The following FUT8 variants were observed in gnomAD, a reference collection of about 807,000 sequenced individuals.
The protein encoded by FUT8 is fucosyltransferase 8.
A neutral mutation model predicts 71.3 loss-of-function variants in FUT8; 29 were observed. The observed-to-expected ratio is 0.41, with a 90% CI of 0.30 to 0.55. The LOEUF (loss-of-function observed/expected upper bound fraction) is 0.55, where lower values mean the gene tolerates loss of function less well. Among genes scored for constraint, FUT8 ranks in the 20% least tolerant of loss-of-function variants. The pLI, the probability that FUT8 is intolerant of heterozygous loss-of-function variation, is 0.34. For synonymous variants in FUT8, 254 were observed against 239.3 expected (o/e 1.06, Z -0.57); for missense variants, 544 against 702.1 (o/e 0.77, Z 2.55).
intron 3 of FUT8, among the ~76,000 whole-genome samples, chr14:65,597,601 C>T (rs548135937): frequency 3.4e-5 from 5 of 146,666 alleles, no homozygotes; most frequent in East Asian, 4.1e-4. Flanking sequence ...CCAGCCTGGG[C>T]GATAGAGCGA....
At chr14:65,561,271 G>A in intron 2 of FUT8, 66 bp from the exon 3 acceptor site, 1 of 284,166 alleles carries the variant, frequency 3.5e-6, no homozygotes, top group Non-Finnish European at 6.7e-6. Context: ...TTTCCTCCAA[G>A]AATCTCAGTA....
chr14:65,670,443 A>T (rs936306936), intron 7 of FUT8, among the ~76,000 whole-genome samples: 4 of 152,176 alleles, frequency 2.6e-5, no homozygotes, highest in African/African-American at 9.6e-5. Context: ...TTTAGCTATT[A>T]TGAATAGCCT....
intron 2 of FUT8, among the ~76,000 whole-genome samples, chr14:65,530,813 T>TTCTCTC (rs137867790): frequency 7.0e-6 from 1 of 142,472 alleles, no homozygotes; most frequent in South Asian, 2.3e-4. Context: ...CTCTCGCTCT[T>TTCTCTC]TCTCTCTCTC....
chr14:65,571,509 G>A (rs1033600175), intron 3 of FUT8, among the ~76,000 whole-genome samples: 1 of 152,102 alleles, frequency 6.6e-6, no homozygotes, highest in South Asian at 2.1e-4. Context: ...GGGCCTGCAA[G>A]AATCTCACGT....
intron 2 of FUT8, among the ~76,000 whole-genome samples, chr14:65,557,694 C>G (rs1409524204): frequency 6.6e-6 from 1 of 151,112 alleles, no homozygotes; most frequent in Non-Finnish European, 1.5e-5. Context: ...AGAAAGAATC[C>G]TGGCACATTT....
intron 9 of FUT8, among the ~76,000 whole-genome samples, chr14:65,730,584 A>G (rs1383435942): frequency 6.6e-6 from 1 of 152,046 alleles, no homozygotes; most frequent in Admixed American, 6.6e-5. Context: ...GAGGCAGGAG[A>G]TGATGTGAAC....
intron 2 of FUT8, among the ~76,000 whole-genome samples, chr14:65,532,781 G>A (rs1394843731): frequency 6.6e-6 from 1 of 152,040 alleles, no homozygotes; most frequent in East Asian, 1.9e-4. Context: ...TGGGTTTTAA[G>A]TCTTTAATCC....
At chr14:65,450,240 G>C (rs933192801) in intron 1 of FUT8, among the ~76,000 whole-genome samples, 4 of 152,032 alleles carry the variant, frequency 2.6e-5, no homozygotes, top group Non-Finnish European at 5.9e-5. Context: ...GACTGACTCT[G>C]TTCAATATTA....
At chr14:65,397,631 C>T in the FUT8 span, among the ~76,000 whole-genome samples, 1 of 152,206 alleles carries the variant, frequency 6.6e-6, no homozygotes, top group Non-Finnish European at 1.5e-5. This position sits in a 1 kb window ranked among gnomAD's most constrained non-coding sequence, Gnocchi z 4.2. Context: ...CACGTGCACG[C>T]CTGCCCTGTG....
At chr14:65,383,473 C>A in the FUT8 span, among the ~76,000 whole-genome samples, 1 of 152,064 alleles carries the variant, frequency 6.6e-6, no homozygotes, top group Non-Finnish European at 1.5e-5. Context: ...CGGGGTTTCA[C>A]CATGTTGGCC....
rs550883876 is a variant in FUT8, at chr14:65,476,086, C to T, written c.-228+20368C>T. Among the ~76,000 whole-genome samples, 4 of 152,204 alleles carry T rather than the reference C, an allele frequency of 2.6e-5. No homozygotes were observed. In the South Asian group the frequency reaches 8.3e-4, roughly 32 times the overall value. ...AGAAATCAGAGACTTGGTGATAAGTCAAGGGTAAGAGATGAGATAAGAGAG... is the reference window on the plus strand; with the variant it reads ...AGAAATCAGAGACTTGGTGATAAGTTAAGGGTAAGAGATGAGATAAGAGAG... On this transcript the variant is annotated intron_variant, in intron 2 of 10. Coordinates refer to ENST00000673929, the MANE Select transcript of FUT8 (RefSeq NM_001371533.1).
intron 7 of FUT8, among the ~76,000 whole-genome samples, chr14:65,718,540 G>C (rs904328002): frequency 6.6e-6 from 1 of 152,084 alleles, no homozygotes; most frequent in South Asian, 2.1e-4. Flanking sequence ...GTGGTTTTTT[G>C]TATGCTTAGT....
At chr14:65,596,644 A>G (rs1887996103) in intron 3 of FUT8, among the ~76,000 whole-genome samples, 1 of 152,194 alleles carries the variant, frequency 6.6e-6, no homozygotes, top group Non-Finnish European at 1.5e-5. Context: ...CAATACCTTT[A>G]GGGTAGCATA....
At chr14:65,667,291 A>G (rs1177871697) in intron 6 of FUT8, among the ~76,000 whole-genome samples, 1 of 152,152 alleles carries the variant, frequency 6.6e-6, no homozygotes, top group Non-Finnish European at 1.5e-5. Flanking sequence ...CCCTACCCAA[A>G]AGCTCCTAGA....
intron 7 of FUT8, among the ~76,000 whole-genome samples, chr14:65,678,704 G>A (rs187271413): frequency 2.4e-3 from 373 of 152,286 alleles, no homozygotes; most frequent in Non-Finnish European, 3.7e-3. Flanking sequence ...CATACCCCAG[G>A]TAGGAATTTC....
At chr14:65,705,553 C>G (rs1594919709) in intron 7 of FUT8, among the ~76,000 whole-genome samples, 3 of 152,286 alleles carry the variant, frequency 2.0e-5, no homozygotes, top group Admixed American at 6.5e-5. Context: ...TGATAGTTCT[C>G]TAAGAACCTA....
intron 3 of FUT8, among the ~76,000 whole-genome samples, chr14:65,562,280 G>T (rs1425078268): frequency 6.6e-6 from 1 of 152,048 alleles, no homozygotes; most frequent in East Asian, 1.9e-4. Context: ...TTAAACTCAT[G>T]TATATTAAAA....
upstream of FUT8, among the ~76,000 whole-genome samples, chr14:65,409,021 G>A (rs1465881022): frequency 1.3e-5 from 2 of 152,074 alleles, no homozygotes; most frequent in African/African-American, 4.8e-5. This position sits in a 1 kb window ranked among gnomAD's most constrained non-coding sequence, Gnocchi z 5.4. Flanking sequence ...TCAATGGTGT[G>A]TCAAGTTGGC....
intron 7 of FUT8, among the ~76,000 whole-genome samples, chr14:65,684,115 AAT>A (rs564897506): frequency 1.3e-5 from 2 of 151,662 alleles, no homozygotes; most frequent in Non-Finnish European, 2.9e-5. Flanking sequence ...TTATATTAAA[AAT>A]ATATATATAT....
Sources: allele counts gnomAD v4.1 joint callset (sites outside exome capture counted in the v4.1 genomes callset), GRCh38; gene constraint gnomAD v4.1.1; non-coding constraint Gnocchi (gnomAD v3.1); transcripts MANE v1.5; gene names NCBI Gene and HGNC (gene_info 2026-07-23, HGNC 2026-07-21).